The following COL5A1 variants were observed in gnomAD, a reference collection of about 807,000 sequenced individuals.
The protein encoded by COL5A1 is collagen type V alpha 1 chain, also known as collagen alpha-1(V) chain.
COL5A1 carries 16 observed loss-of-function variants against 263.7 expected under a neutral mutation model. The observed-to-expected ratio is 0.06, with a 90% confidence interval of 0.04 to 0.09. COL5A1 has a LOEUF of 0.09. Ranked by LOEUF, COL5A1 falls within the 10% of genes least tolerant of loss-of-function variation. The pLI is 1.00. For missense variants in COL5A1, 2,036 were observed against 2,540.5 expected (o/e 0.80, Z 4.27); for synonymous variants, 1,012 against 1,004.5 (o/e 1.01, Z -0.14).
At chr9:134,836,745 C>T (rs983915957) in intron 65 of COL5A1, among the ~76,000 whole-genome samples, 1 of 152,242 alleles carries the variant, frequency 6.6e-6, no homozygotes, top group African/African-American at 2.4e-5. Context: ...AGCTCCTTTT[C>T]TCTGCTGCCC....
At chr9:134,736,584 C>G (rs937322575) in intron 9 of COL5A1, among the ~76,000 whole-genome samples, 2 of 152,182 alleles carry the variant, frequency 1.3e-5, no homozygotes, top group African/African-American at 4.8e-5. Flanking sequence ...ACATTCAAAC[C>G]CTAGCACATT....
Position 134,812,588 on chromosome 9 carries a change from T to C in COL5A1, c.3745-17T>C, listed in dbSNP as rs376808101. On this transcript the variant is annotated splice_polypyrimidine_tract_variant and intron_variant, in intron 47 of 65. Coordinates refer to ENST00000371817, the MANE Select transcript of COL5A1 (RefSeq NM_000093.5). ...TTTGCGTTTCCTCTGGGCTCAGTGG[T>C]CTCTCCCTTTTCCTAGGGCCCCCCG... The C allele has an allele frequency of 1.9e-5, 30 of 1,609,590 alleles. No homozygotes were observed. Among genetic ancestry groups the C allele is most frequent in the Non-Finnish European group, 2.5e-5 (29 of 1,176,990 alleles).
At position 134,753,984 on chromosome 9, in the gene COL5A1, C is replaced by A. The variant is rs1339552716; in HGVS notation, c.1773+81C>A. The A allele has an allele frequency of 2.5e-6, 3 of 1,213,660 alleles. No individual in the cohort carries two copies. In the African/African-American group the frequency reaches 4.5e-5, roughly 18 times the overall value. 75.2% of individuals were successfully genotyped at this position (1,213,660 alleles called of 1,614,324 possible). On this transcript the variant is annotated intron_variant, in intron 15 of 65. Coordinates refer to ENST00000371817, the MANE Select transcript of COL5A1 (RefSeq NM_000093.5). ...AGCGACGGCGAGCATGGAGGGACCC[C>A]AACTGCTGCATGTTTTCAAGGAAAT...
At chr9:134,836,817 C>G (rs545333867) in intron 65 of COL5A1, among the ~76,000 whole-genome samples, 13 of 152,372 alleles carry the variant, frequency 8.5e-5, no homozygotes, top group African/African-American at 3.1e-4. Context: ...AGGCCGTGCT[C>G]AGCGGGGGCC....
Position 134,842,396 on chromosome 9 carries a change from T to G in COL5A1, c.*93T>G. On this transcript the variant is annotated 3_prime_UTR_variant, in exon 66 of 66. Coordinates refer to ENST00000371817, the MANE Select transcript of COL5A1 (RefSeq NM_000093.5). The surrounding 1 kb of genome is among the most constrained non-coding windows in gnomAD (Gnocchi z 5.8). ...CCGTGCACGTCCTGACCCTGGACAGTGAAGGCTTCTCCCTCCCCTCCCACC... is the reference window on the plus strand; with the variant it reads ...CCGTGCACGTCCTGACCCTGGACAGGGAAGGCTTCTCCCTCCCCTCCCACC... 1.4e-6 allele frequency: 2 copies of G among 1,456,746 alleles called. No homozygotes were observed. Among genetic ancestry groups the G allele is most frequent in the East Asian group, 4.8e-5 (2 of 41,964 alleles). The allele number at this position is 1,456,746 out of a possible 1,614,324, so 90.2% of individuals were successfully genotyped here.
chr9:134,838,180 G>A (rs4841939), intron 65 of COL5A1, among the ~76,000 whole-genome samples: 40,367 of 152,064 alleles, frequency 0.27, 5,920 homozygotes, highest in Admixed American at 0.41. Flanking sequence ...AAGGCCCGAC[G>A]GCTCTCTGAT....
At chr9:134,732,010 T>G in intron 8 of COL5A1, 61 bp from the exon 9 acceptor site, 1 of 1,588,356 alleles carries the variant, frequency 6.3e-7, no homozygotes, top group Non-Finnish European at 8.6e-7. Context: ...TTGTGTAATC[T>G]GGACTTTCTT....
At chr9:134,810,941 C>G (rs755485525) in intron 44 of COL5A1, among the ~76,000 whole-genome samples, 43 of 152,168 alleles carry the variant, frequency 2.8e-4, no homozygotes, top group Admixed American at 2.4e-3. Context: ...CCCATGGTCC[C>G]ATGCGGGAGG....
chr9:134,653,883 G>T (rs1831782055), intron 1 of COL5A1, among the ~76,000 whole-genome samples: 1 of 151,740 alleles, frequency 6.6e-6, no homozygotes, highest in South Asian at 2.1e-4. Flanking sequence ...TGTAGGGCTG[G>T]TGTCTGTATG....
chr9:134,786,439 C>T (rs1192588336), intron 31 of COL5A1, among the ~76,000 whole-genome samples: 1 of 152,210 alleles, frequency 6.6e-6, no homozygotes, highest in Non-Finnish European at 1.5e-5. Context: ...CCAGTCGGCA[C>T]AGACACCTGG....
At chr9:134,829,156 TG>T (rs2132903025) in intron 63 of COL5A1, among the ~76,000 whole-genome samples, 1 of 152,324 alleles carries the variant, frequency 6.6e-6, no homozygotes, top group East Asian at 1.9e-4. Context: ...CCTCCCTCAG[TG>T]AGCGTTTCCA....
chr9:134,760,185 ACCCC>A (rs566295812), intron 18 of COL5A1, among the ~76,000 whole-genome samples: 2 of 78,706 alleles, frequency 2.5e-5, no homozygotes, highest in African/African-American at 1.5e-4. Flanking sequence ...ACACACATAC[ACCCC>A]CACACCCCCA....
intron 32 of COL5A1, among the ~76,000 whole-genome samples, chr9:134,791,366 C>A (rs898356310): frequency 6.6e-6 from 1 of 152,240 alleles, no homozygotes; most frequent in South Asian, 2.1e-4. Flanking sequence ...CCTCCTTCAT[C>A]TTTGCCATCA....
Position 134,765,530 on chromosome 9 carries a change from G to A in COL5A1, c.2035-151G>A. On this transcript the variant is annotated intron_variant, in intron 20 of 65. Transcript: ENST00000371817. The surrounding 1 kb of genome is among the most constrained non-coding windows in gnomAD (Gnocchi z 5.1). Reference sequence around the variant, plus strand: ...AGGGAGGCAGCGCAGCAGGCTGGGAGGGAGTCTGGGCCTCACTCCTGGGAG... The same window carrying A: ...AGGGAGGCAGCGCAGCAGGCTGGGAAGGAGTCTGGGCCTCACTCCTGGGAG... 2 of 687,974 alleles carry A rather than the reference G, an allele frequency of 2.9e-6. No homozygotes were observed. Among genetic ancestry groups the A allele is most frequent in the South Asian group, 1.8e-5 (1 of 56,836 alleles). The allele number at this position is 687,974 out of a possible 1,614,324, so 42.6% of individuals were successfully genotyped here.
intron 1 of COL5A1, among the ~76,000 whole-genome samples, chr9:134,684,709 G>A (rs1359112640): frequency 6.6e-6 from 1 of 152,244 alleles, no homozygotes; most frequent in African/African-American, 2.4e-5. Context: ...CCTCCATGGG[G>A]ATCGTGGAAA....
chr9:134,669,358 CCATCCATTCATCTACA>C (rs2132511105), intron 1 of COL5A1, among the ~76,000 whole-genome samples: 1 of 144,818 alleles, frequency 6.9e-6, no homozygotes, highest in South Asian at 2.3e-4. Flanking sequence ...ATCCCTTCTT[CCATCCATTCATCTACA>C]CATCCATTCA....
rs919352072 is a variant in COL5A1, at chr9:134,823,580, G to A, written c.4698+111G>A. On this transcript the variant is annotated intron_variant, in intron 61 of 65. Transcript: ENST00000371817. ...CCCTCCTGAGACTCATGAAGCCCAT[G>A]TGGCATGCCCGGGCCTTGTCCCTCG... The A allele has an allele frequency of 1.6e-5, 19 of 1,175,414 alleles. No homozygotes were observed. The East Asian group carries it at 4.5e-4, about 28-fold the overall frequency. 72.8% of individuals were successfully genotyped at this position (1,175,414 alleles called of 1,614,324 possible). A position where few individuals can be genotyped will look rare whatever the true frequency, so the allele number is the denominator to read the frequency against.
rs1588621584 is a variant in COL5A1 at position 134,842,053 on chromosome 9, A to G, written c.5371-104A>G. ...CGCAGCCCTGGGTAGGAGACAGGAC[A>G]CCAGCCTGGGTTTTGGAGCCAGACA... On this transcript the variant is annotated intron_variant, in intron 65 of 65. Transcript: ENST00000371817. The surrounding 1 kb of genome is among the most constrained non-coding windows in gnomAD (Gnocchi z 5.8). 1 of 1,375,500 alleles carries G rather than the reference A, an allele frequency of 7.3e-7. No homozygotes were observed. Among genetic ancestry groups the G allele is most frequent in the Non-Finnish European group, 1.0e-6 (1 of 972,842 alleles). The allele number at this position is 1,375,500 out of a possible 1,614,324, so 85.2% of individuals were successfully genotyped here. A position where few individuals can be genotyped will look rare whatever the true frequency, so the allele number is the denominator to read the frequency against.
intron 4 of COL5A1, among the ~76,000 whole-genome samples, chr9:134,712,759 C>T (rs1170747841): frequency 1.3e-5 from 2 of 151,360 alleles, no homozygotes; most frequent in African/African-American, 4.9e-5. Context: ...GCCCTAGACC[C>T]TGGTGCTTCT....
Sources: gnomAD v4.1 joint callset for allele counts (sites outside exome capture counted in the v4.1 genomes callset) on GRCh38, gnomAD v4.1.1 for gene constraint, Gnocchi (gnomAD v3.1) non-coding constraint, MANE v1.5 for transcripts, NCBI Gene and HGNC (gene_info 2026-07-23, HGNC 2026-07-21) for gene names.